Variants in CDH11 observed in about 807,000 individuals in gnomAD.
The protein encoded by CDH11 is cadherin 11.
A neutral mutation model predicts 67.8 loss-of-function variants in CDH11; 11 were observed. The ratio of observed to expected loss-of-function variants is 0.16; its 90% CI spans 0.10 to 0.27. The LOEUF is 0.27. Ranked by LOEUF, CDH11 falls within the 10% of genes least tolerant of loss-of-function variation. The probability of loss-of-function intolerance (pLI) is 1.00; values close to 1 mark genes in which losing one functional copy is unlikely to be tolerated. For missense variants in CDH11, 847 were observed against 1,031.2 expected (o/e 0.82, Z 2.45); for synonymous variants, 419 against 400.0 (o/e 1.05, Z -0.57).
intron 2 of CDH11, among the ~76,000 whole-genome samples, chr16:65,028,788 G>A (rs2073583067): frequency 6.6e-6 from 1 of 152,180 alleles, no homozygotes; most frequent in African/African-American, 2.4e-5. Context: ...CTACATGGAT[G>A]AACCTGGAGG....
intron 2 of CDH11, among the ~76,000 whole-genome samples, chr16:65,051,812 C>G (rs940493238): frequency 6.6e-6 from 1 of 152,178 alleles, no homozygotes; most frequent in Non-Finnish European, 1.5e-5. Flanking sequence ...CTTACCTCTC[C>G]TTCCACCATG....
At chr16:65,078,410 C>A (rs2074553338) in intron 1 of CDH11, among the ~76,000 whole-genome samples, 1 of 152,134 alleles carries the variant, frequency 6.6e-6, no homozygotes, top group Non-Finnish European at 1.5e-5. Flanking sequence ...CCCGTAGTGA[C>A]AGGAAAGCTT....
chr16:65,100,102 T>C (rs1180999202), intron 1 of CDH11, among the ~76,000 whole-genome samples: 1 of 151,996 alleles, frequency 6.6e-6, no homozygotes, highest in East Asian at 1.9e-4. Flanking sequence ...GGGTGTGAGG[T>C]CTTAAAGATG....
At chr16:65,031,563 A>G (rs1316986045) in intron 2 of CDH11, among the ~76,000 whole-genome samples, 1 of 152,202 alleles carries the variant, frequency 6.6e-6, no homozygotes, top group Non-Finnish European at 1.5e-5. Context: ...ATCCAGGCAG[A>G]GGGAACAGCA....
rs551118289 is a variant in CDH11, at chr16:64,947,531, C to T, written c.*72G>A. The T allele has an allele frequency of 5.9e-6, 9 of 1,521,766 alleles. No homozygotes were observed. The highest frequency in any genetic ancestry group is 7.9e-6 in the Non-Finnish European group (9 of 1,137,902). 94.3% of individuals were successfully genotyped at this position (1,521,766 alleles called of 1,614,324 possible). On this transcript the variant is annotated 3_prime_UTR_variant, in exon 13 of 13. Transcript: ENST00000268603. Reference sequence around the variant, plus strand: ...AGCCTTTCCTTGATTTAAAAAAATACCTGTTTACACATCTTCTAGATTCTT... The same window carrying T: ...AGCCTTTCCTTGATTTAAAAAAATATCTGTTTACACATCTTCTAGATTCTT...
chr16:65,020,243 T>C (rs979384545), intron 2 of CDH11, among the ~76,000 whole-genome samples: 3 of 152,190 alleles, frequency 2.0e-5, no homozygotes, highest in African/African-American at 7.2e-5. Flanking sequence ...AATGAAGCAG[T>C]TAATGTAGTT....
chr16:64,981,756 C>T (rs576516771), intron 8 of CDH11: 41 of 288,270 alleles, frequency 1.4e-4, no homozygotes, highest in Admixed American at 3.4e-4. Flanking sequence ...TTTATATTTC[C>T]CCACAGTCCC....
intron 1 of CDH11, among the ~76,000 whole-genome samples, chr16:65,096,708 G>A (rs1433286670): frequency 7.0e-6 from 1 of 143,688 alleles, no homozygotes; most frequent in Non-Finnish European, 1.5e-5. Context: ...ATATATTTGG[G>A]GTGTGTGTGT....
chr16:64,989,053 A>G (rs778780773), intron 6 of CDH11, among the ~76,000 whole-genome samples: 11 of 152,316 alleles, frequency 7.2e-5, no homozygotes, highest in Admixed American at 3.9e-4. Context: ...ACTACTAAAC[A>G]AAACAGTCAA....
intron 2 of CDH11, among the ~76,000 whole-genome samples, chr16:65,042,731 C>T (rs1354722931): frequency 6.6e-6 from 1 of 152,168 alleles, no homozygotes; most frequent in Admixed American, 6.5e-5. Context: ...AAATCTTGAC[C>T]TGTCTTCCCT....
rs148966999 is a variant in CDH11 at position 64,971,464 on chromosome 16, C to G, written c.1642+115G>C. The G allele has an allele frequency of 8.5e-4, 553 of 650,990 alleles. 3 individuals carry two copies. The highest frequency in any genetic ancestry group is 8.0e-3 in the African/African-American group (429 of 53,752). The allele number at this position is 650,990 out of a possible 1,614,324, so 40.3% of individuals were successfully genotyped here. On this transcript the variant is annotated intron_variant, in intron 11 of 12. Coordinates refer to ENST00000268603, the MANE Select transcript of CDH11 (RefSeq NM_001797.4). ...GAGGTGGCATTATTATTTCCGGTTT[C>G]TTCTTCAACAGGAAGACATTATAAA...
At chr16:65,008,867 A>T (rs187249139) in intron 2 of CDH11, among the ~76,000 whole-genome samples, 216 of 152,282 alleles carry the variant, frequency 1.4e-3, no homozygotes, top group African/African-American at 5.0e-3. Context: ...CTAGAATGAA[A>T]ATACTAATAT....
intron 1 of CDH11, among the ~76,000 whole-genome samples, chr16:65,071,611 C>G (rs888023121): frequency 1.3e-5 from 2 of 152,126 alleles, no homozygotes; most frequent in African/African-American, 4.8e-5. Context: ...GTGCCCCAAG[C>G]GCGTGTCCCC....
intron 1 of CDH11, among the ~76,000 whole-genome samples, chr16:65,096,443 G>GTA (rs60633017): frequency 0.079 from 10,895 of 138,220 alleles, 518 homozygotes; most frequent in Non-Finnish European, 0.095. Flanking sequence ...GTGTGTGTGT[G>GTA]TATATATATG....
chr16:65,123,514 G>GAACCCCA (rs551775405), upstream of CDH11, among the ~76,000 whole-genome samples: 15 of 152,108 alleles, frequency 9.9e-5, no homozygotes, highest in South Asian at 3.1e-3. Context: ...CATGGGGAAG[G>GAACCCCA]AACCCCAGTG....
chr16:65,061,849 A>T (rs944715965), intron 1 of CDH11, among the ~76,000 whole-genome samples: 6 of 152,160 alleles, frequency 3.9e-5, no homozygotes, highest in Non-Finnish European at 7.3e-5. Flanking sequence ...GTCCTGGGCT[A>T]AGTACCTTTC....
At chr16:65,043,834 G>C (rs181783337) in intron 2 of CDH11, among the ~76,000 whole-genome samples, 1 of 152,146 alleles carries the variant, frequency 6.6e-6, no homozygotes, top group Non-Finnish European at 1.5e-5. Context: ...ATTGGTCTTG[G>C]GGGGAGGGGA....
In CDH11 at chr16:64,945,476, A is replaced by C; in HGVS notation, c.*2127T>G. 9.7e-7 allele frequency: 1 copy of C among 1,034,816 alleles called. No homozygotes were observed. Among genetic ancestry groups the C allele is most frequent in the Non-Finnish European group, 1.2e-6 (1 of 859,438 alleles). 64.1% of individuals were successfully genotyped at this position (1,034,816 alleles called of 1,614,324 possible). ...TGGTGACAGGGTTACTTACAGCTGT[A>C]TACTTATTTAAATGCTATTCATATT... On this transcript the variant is annotated 3_prime_UTR_variant, in exon 13 of 13. Transcript: ENST00000268603.
chr16:65,051,391 T>C (rs755877041), intron 2 of CDH11, among the ~76,000 whole-genome samples: 9 of 152,066 alleles, frequency 5.9e-5, no homozygotes, highest in Non-Finnish European at 1.0e-4. Context: ...TGGCCTTATG[T>C]GGAGGTAATG....
Sources: allele counts gnomAD v4.1 joint callset (sites outside exome capture counted in the v4.1 genomes callset), GRCh38; gene constraint gnomAD v4.1.1; transcripts MANE v1.5; gene names NCBI Gene and HGNC (gene_info 2026-07-23, HGNC 2026-07-21).